Variants in RUNX3 observed in about 807,000 individuals in gnomAD.
RUNX3 encodes the protein RUNX family transcription factor 3.
A neutral mutation model predicts 27.7 loss-of-function variants in RUNX3; 10 were observed. The observed-to-expected ratio is 0.36, with a 90% CI of 0.22 to 0.61. The LOEUF is 0.61. Ranked by LOEUF, RUNX3 falls within the 20% of genes least tolerant of loss-of-function variation. The probability of loss-of-function intolerance (pLI) is 0.72; values close to 1 mark genes in which losing one functional copy is unlikely to be tolerated. For synonymous variants in RUNX3, 270 were observed against 269.2 expected (o/e 1.00, Z -0.03); for missense variants, 469 against 629.5 (o/e 0.75, Z 2.73).
intron 3 of RUNX3, among the ~76,000 whole-genome samples, chr1:24,907,630 C>G (rs1240894787): frequency 6.6e-6 from 1 of 152,226 alleles, no homozygotes; most frequent in Non-Finnish European, 1.5e-5. Context: ...ATCTAAACCT[C>G]TACAACACAC....
chr1:24,913,224 C>T (rs1640827691), intron 3 of RUNX3, among the ~76,000 whole-genome samples: 1 of 152,252 alleles, frequency 6.6e-6, no homozygotes, highest in South Asian at 2.1e-4. Flanking sequence ...TGGCTGCTGT[C>T]AGCCTCCAGC....
chr1:24,909,878 G>A (rs1407549357), intron 3 of RUNX3, among the ~76,000 whole-genome samples: 2 of 152,204 alleles, frequency 1.3e-5, no homozygotes, highest in Non-Finnish European at 2.9e-5. Context: ...AGTCAGGCAG[G>A]GTGGCCAGGC....
chr1:24,927,768 T>C lies in RUNX3; in HGVS notation c.283-38A>G. ...GGCGGGGGGATGCAGGGGGACAGCT[T>C]AGAAAGGAAGAGGGTGACCAGGGAA... On this transcript the variant is annotated intron_variant, in intron 1 of 4. Transcript: ENST00000308873. This position sits in a 1 kb window ranked among gnomAD's most constrained non-coding sequence, Gnocchi z 5.0. 1.2e-6 allele frequency: 2 copies of C among 1,606,912 alleles called. No homozygotes were observed. Among genetic ancestry groups the C allele is most frequent in the Admixed American group, 1.7e-5 (1 of 59,934 alleles).
At chr1:24,956,517 G>T (rs1204939897) in intron 2 of RUNX3, among the ~76,000 whole-genome samples, 2 of 152,186 alleles carry the variant, frequency 1.3e-5, no homozygotes, top group Non-Finnish European at 2.9e-5. Context: ...AGATGTGGGG[G>T]CACCAGGCTC....
intron 2 of RUNX3, among the ~76,000 whole-genome samples, chr1:24,922,868 C>A (rs1261548322): frequency 1.3e-5 from 2 of 151,044 alleles, no homozygotes; most frequent in Non-Finnish European, 2.9e-5. Flanking sequence ...CTATTCCCTG[C>A]ACCTGCTGGA....
rs1640625438 is a variant in RUNX3 at position 24,904,569 on chromosome 1, G to A, written c.704-1903C>T. ...GGGAGAGGTCCTGTTGCAGGTGCTGGGCACGTCAGCACAGCTGAGATGGGT... is the reference window on the plus strand; with the variant it reads ...GGGAGAGGTCCTGTTGCAGGTGCTGAGCACGTCAGCACAGCTGAGATGGGT... On this transcript the variant is annotated intron_variant, in intron 4 of 4. Coordinates refer to ENST00000308873, the MANE Select transcript of RUNX3 (RefSeq NM_004350.3). The surrounding 1 kb of genome is among the most constrained non-coding windows in gnomAD (Gnocchi z 5.7). Among the ~76,000 whole-genome samples the A allele has an allele frequency of 6.6e-6, 1 of 152,170 alleles. No individual in the cohort carries two copies. The highest frequency in any genetic ancestry group is 1.5e-5 in the Non-Finnish European group (1 of 68,014).
intron 2 of RUNX3, among the ~76,000 whole-genome samples, chr1:24,958,008 A>G (rs562384124): frequency 6.6e-6 from 1 of 152,192 alleles, no homozygotes; most frequent in African/African-American, 2.4e-5. Context: ...CTAGCCCTGA[A>G]AAAACCAGGG....
At chr1:24,929,253 T>G (rs750627650) in intron 1 of RUNX3, 3 of 571,008 alleles carry the variant, frequency 5.3e-6, no homozygotes, top group Non-Finnish European at 1.0e-5. Context: ...GGGATCCTCT[T>G]CTCCGTTACC....
chr1:24,930,212 C>G lies in RUNX3; in HGVS notation c.-344G>C. ...GCTGCCGCCGCCTCCCGCCCCGAAG[C>G]TCGCCCGCGGCCGCCCCGACTCCGC... On this transcript the variant is annotated 5_prime_UTR_variant, in exon 1 of 5. Transcript: ENST00000308873. This position sits in a 1 kb window ranked among gnomAD's most constrained non-coding sequence, Gnocchi z 4.1. 1 of 981,808 alleles carries G rather than the reference C, an allele frequency of 1.0e-6. No homozygotes were observed. The highest frequency in any genetic ancestry group is 1.2e-6 in the Non-Finnish European group (1 of 828,558). The allele number at this position is 981,808 out of a possible 1,614,324, so 60.8% of individuals were successfully genotyped here. A position where few individuals can be genotyped will look rare whatever the true frequency, so the allele number is the denominator to read the frequency against.
At chr1:24,917,683 T>G (rs1317551345) in intron 3 of RUNX3, among the ~76,000 whole-genome samples, 2 of 152,192 alleles carry the variant, frequency 1.3e-5, no homozygotes, top group African/African-American at 4.8e-5. Context: ...TTCCTCGCAA[T>G]AGCATCATGA....
At chr1:24,950,040 TC>T (rs996781850) in intron 2 of RUNX3, among the ~76,000 whole-genome samples, 2 of 152,174 alleles carry the variant, frequency 1.3e-5, no homozygotes, top group African/African-American at 4.8e-5. Context: ...TCATCTGAGC[TC>T]CCCCGATGCC....
chr1:24,929,887 G>T lies in RUNX3; in HGVS notation c.-19C>A. 6.3e-6 allele frequency: 8 copies of T among 1,270,482 alleles called. No homozygotes were observed. Among genetic ancestry groups the T allele is most frequent in the Non-Finnish European group, 7.9e-6 (8 of 1,011,390 alleles). 78.7% of individuals were successfully genotyped at this position (1,270,482 alleles called of 1,614,324 possible). A position where few individuals can be genotyped will look rare whatever the true frequency, so the allele number is the denominator to read the frequency against. On this transcript the variant is annotated 5_prime_UTR_variant, in exon 1 of 5. Transcript: ENST00000308873. ...TACGCATAACAGCGGCCGTCAGGGCGCCGGGCAGGCGGAGACGGCGCGGCT... is the reference window on the plus strand; with the variant it reads ...TACGCATAACAGCGGCCGTCAGGGCTCCGGGCAGGCGGAGACGGCGCGGCT...
intron 3 of RUNX3, among the ~76,000 whole-genome samples, chr1:24,914,386 C>T (rs939883736): frequency 3.3e-5 from 5 of 152,194 alleles, no homozygotes; most frequent in East Asian, 1.9e-4. Flanking sequence ...GGCCCGAGGC[C>T]GGCTCTGCGG....
At chr1:24,907,224 C>A (rs947259238) in intron 4 of RUNX3, 35 bp downstream of exon 4, 12 of 1,595,864 alleles carry the variant, frequency 7.5e-6, no homozygotes, top group Non-Finnish European at 1.0e-5. Flanking sequence ...CCACCCCCAC[C>A]TCACCCCGCT....
intron 2 of RUNX3, among the ~76,000 whole-genome samples, chr1:24,926,167 C>A (rs1641096118): frequency 6.6e-6 from 1 of 152,194 alleles, no homozygotes; most frequent in African/African-American, 2.4e-5. Context: ...CTGGCCACTG[C>A]CCCGCAGTCA....
intron 2 of RUNX3, among the ~76,000 whole-genome samples, chr1:24,948,276 C>G (rs531866368): frequency 6.6e-6 from 1 of 152,340 alleles, no homozygotes; most frequent in Admixed American, 6.5e-5. Context: ...CTTGGTCCCC[C>G]CAAAAGGAGT....
chr1:24,930,097 C>T lies in RUNX3; in HGVS notation c.-229G>A. On this transcript the variant is annotated 5_prime_UTR_variant, in exon 1 of 5. Transcript: ENST00000308873. This position sits in a 1 kb window ranked among gnomAD's most constrained non-coding sequence, Gnocchi z 4.1. The stretch of plus-strand genomic sequence containing the variant: ...CGCCCGCAGCCTGCCCGGCTAGTCC[C>T]GCATCCTCGGCGCGCGGCCCCGCGT... The T allele has an allele frequency of 1.0e-6, 1 of 979,986 alleles. No individual in the cohort carries two copies. The highest frequency in any genetic ancestry group is 4.7e-5 in the South Asian group (1 of 21,276). 60.7% of individuals were successfully genotyped at this position (979,986 alleles called of 1,614,324 possible).
At chr1:24,960,741 G>A (rs78890025) in intron 2 of RUNX3, among the ~76,000 whole-genome samples, 3,275 of 152,228 alleles carry the variant, frequency 0.022, 119 homozygotes, top group African/African-American at 0.074. Context: ...CTGGCCCCCA[G>A]TGGAACCGTG....
rs1420291549 is a variant in RUNX3 at position 24,901,992 on chromosome 1, G to A, written c.*130C>T. 8.1e-6 allele frequency: 7 copies of A among 859,052 alleles called. No individual in the cohort carries two copies. Among genetic ancestry groups the A allele is most frequent in the Non-Finnish European group, 1.2e-5 (7 of 574,414 alleles). The allele number at this position is 859,052 out of a possible 1,614,324, so 53.2% of individuals were successfully genotyped here. On this transcript the variant is annotated 3_prime_UTR_variant, in exon 5 of 5. Transcript: ENST00000308873. ...GCAGCCAGAGGCTCCCACCAGCTGG[G>A]ACCACCCTGGGACCGAGACCACCCT...
Sources: gnomAD v4.1 joint callset for allele counts (sites outside exome capture counted in the v4.1 genomes callset) on GRCh38, gnomAD v4.1.1 for gene constraint, Gnocchi (gnomAD v3.1) non-coding constraint, MANE v1.5 for transcripts, NCBI Gene and HGNC (gene_info 2026-07-23, HGNC 2026-07-21) for gene names.